Variants in STKLD1 observed in about 807,000 individuals in gnomAD.
STKLD1 encodes serine/threonine kinase like domain containing 1.
A neutral mutation model predicts 80.4 loss-of-function variants in STKLD1; 79 were observed. The ratio of observed to expected loss-of-function variants is 0.98; its 90% CI spans 0.82 to 1.19. The LOEUF is 1.19. Among genes scored for constraint, STKLD1 ranks in the 50% most tolerant of loss-of-function variants. The pLI is 0.00. For synonymous variants in STKLD1, 393 were observed against 357.6 expected (o/e 1.10, Z -1.12); for missense variants, 841 against 856.0 (o/e 0.98, Z 0.22).
rs782337920 is a variant in STKLD1 at position 133,400,511 on chromosome 9, C to T, written c.1180C>T (p.Leu394=). The T allele has an allele frequency of 2.5e-6, 4 of 1,612,770 alleles. No homozygotes were observed. The highest frequency in any genetic ancestry group is 1.6e-4 in the Middle Eastern group (1 of 6,062). ...DVQLCACSLL[L]HLLGQALVHH... ...CCAGCTGTGTGCCTGCTCCCTGCTG[C>T]TGCACCTCCTGGGCCAAGGTGGGTG... The change falls in exon 12 of 18, where the codon CTG becomes TTG. Residue 394 remains leucine, a synonymous_variant. Coordinates refer to ENST00000371957, the MANE Select transcript of STKLD1 (RefSeq NM_153710.5).
Position 133,389,522 on chromosome 9 carries a change from C to G in STKLD1, c.397-4C>G. 3.7e-6 allele frequency: 6 copies of G among 1,613,154 alleles called. No individual in the cohort carries two copies. The South Asian group carries it at 6.6e-5, about 18-fold the overall frequency. On this transcript the variant is annotated splice_polypyrimidine_tract_variant and splice_region_variant and intron_variant, in intron 5 of 17. Transcript: ENST00000371957. This position sits in a 1 kb window ranked among gnomAD's most constrained non-coding sequence, Gnocchi z 6.4. Reference sequence around the variant, plus strand: ...CATCCTGGCACCCCCTACTTCTCCCCCAGTGGATGCAGAATGTGCTGGGCC... The same window carrying G: ...CATCCTGGCACCCCCTACTTCTCCCGCAGTGGATGCAGAATGTGCTGGGCC...
chr9:133,400,684 A>G (rs1838679531), intron 12 of STKLD1, among the ~76,000 whole-genome samples, 155 bp downstream of exon 12: 1 of 152,234 alleles, frequency 6.6e-6, no homozygotes, highest in African/African-American at 2.4e-5. Context: ...CTTCTAGGCC[A>G]AGGTGGATGC....
At chr9:133,395,882 C>T (rs1363453221) in intron 9 of STKLD1, 119 bp downstream of exon 9, 6 of 1,003,930 alleles carry the variant, frequency 6.0e-6, no homozygotes, top group Non-Finnish European at 8.8e-6. Context: ...TCACAGATGC[C>T]CTGATTATCC....
Position 133,376,407 on chromosome 9 carries a change from G to A in STKLD1, c.-67G>A. On this transcript the variant is annotated 5_prime_UTR_variant, in exon 1 of 18. Transcript: ENST00000371957. ...CCGTTCGGGCGGGGAGGATCCCGCG[G>A]GTCCCACTGACCCACGCGGGGTGGG... The A allele has an allele frequency of 4.1e-6, 6 of 1,462,538 alleles. No homozygotes were observed. Among genetic ancestry groups the A allele is most frequent in the Non-Finnish European group, 5.4e-6 (6 of 1,104,096 alleles). The allele number at this position is 1,462,538 out of a possible 1,614,324, so 90.6% of individuals were successfully genotyped here.
Position 133,401,783 on chromosome 9 carries a change from T to C in STKLD1, c.1244T>C (p.Ile415Thr). 6.2e-7 allele frequency: 1 copy of C among 1,613,566 alleles called. No homozygotes were observed. Among genetic ancestry groups the C allele is most frequent in the Non-Finnish European group, 8.5e-7 (1 of 1,179,976 alleles). ...GCCAAGGCTCCCTGCAACCAAGCCA[T>C]CACCTCCACCCTGCTGAGTGCTCTT... ...PEAKAPCNQA[I>T]TSTLLSALQS... is the part of the protein sequence containing the mutation. Residue 415 changes from isoleucine to threonine, a missense_variant, in exon 13 of 18, where the codon ATC (isoleucine) becomes ACC (threonine). Transcript: ENST00000371957.
At chr9:133,388,751 A>AATGCTACC in intron 5 of STKLD1, 1 of 985,358 alleles carries the variant, frequency 1.0e-6, no homozygotes, top group South Asian at 4.7e-5. Context: ...ACCCCAGATG[A>AATGCTACC]ATGCTACCTG....
In STKLD1 at chr9:133,387,467, C is replaced by G; in HGVS notation, c.315C>G (p.Cys105Trp). Residue 105 changes from cysteine (C) to tryptophan (W), a missense_variant, in exon 5 of 18, where the codon TGC becomes TGG. By Grantham distance (215) the Cys-to-Trp change is radical. Coordinates refer to ENST00000371957, the MANE Select transcript of STKLD1 (RefSeq NM_153710.5). ...AGCAGATCTCTTCTCTGTACCTCTGCCTGGTGATGGAGTTCAATGAGCTCA... is the reference window on the plus strand; with the variant it reads ...AGCAGATCTCTTCTCTGTACCTCTGGCTGGTGATGGAGTTCAATGAGCTCA... ...WNGEISSLYL[C>W]LVMEFNELSF... 2 of 1,614,008 alleles carry G rather than the reference C, an allele frequency of 1.2e-6. No individual in the cohort carries two copies. The highest frequency in any genetic ancestry group is 1.7e-6 in the Non-Finnish European group (2 of 1,179,980).
intron 13 of STKLD1, among the ~76,000 whole-genome samples, chr9:133,402,676 T>C (rs1554777875): frequency 6.6e-6 from 1 of 152,200 alleles, no homozygotes; most frequent in African/African-American, 2.4e-5. Context: ...CTATTGGGAC[T>C]GGTGGCCCAC....
intron 1 of STKLD1, among the ~76,000 whole-genome samples, chr9:133,376,835 G>A (rs1254177491): frequency 6.6e-6 from 1 of 152,190 alleles, no homozygotes; most frequent in Admixed American, 6.5e-5. Flanking sequence ...TTCGTGCCTG[G>A]GGTCTGTGCG....
chr9:133,382,677 G>A (rs144583173), intron 2 of STKLD1, among the ~76,000 whole-genome samples: 216 of 150,958 alleles, frequency 1.4e-3, no homozygotes, highest in African/African-American at 5.0e-3. Context: ...TGATAGTAAT[G>A]GTGATGGTGG....
rs1174015066 is a variant in STKLD1, at chr9:133,382,928, AGTG to A, written c.175-918_175-916del. ...TGATGGTGGTGATGATGGGGATAAT[AGTG>A]GTGGTGGTGACAGTGGTGTTGATGG... On this transcript the variant is annotated intron_variant, in intron 2 of 17. Coordinates refer to ENST00000371957, the MANE Select transcript of STKLD1 (RefSeq NM_153710.5). 2.7e-4 allele frequency among the ~76,000 whole-genome samples: 35 copies of A among 128,294 alleles called. No homozygotes were observed. In the East Asian group the frequency reaches 8.3e-3, roughly 31 times the overall value. The allele number at this position is 128,294 out of a possible 152,430, so 84.2% of individuals were successfully genotyped here.
At position 133,385,274 on chromosome 9, in the gene STKLD1, C is replaced by A. The variant is rs1198905912; in HGVS notation, c.220-343C>A. Reference sequence around the variant, plus strand: ...CACCTCCCGGTGTCTGCACCACCTCCTCCAGCCAGCCCTGGCTGTGGCTGA... The same window carrying A: ...CACCTCCCGGTGTCTGCACCACCTCATCCAGCCAGCCCTGGCTGTGGCTGA... On this transcript the variant is annotated intron_variant, in intron 3 of 17. Transcript: ENST00000371957. This position sits in a 1 kb window ranked among gnomAD's most constrained non-coding sequence, Gnocchi z 4.9. Among the ~76,000 whole-genome samples, 1 of 152,210 alleles carries A rather than the reference C, an allele frequency of 6.6e-6. No individual in the cohort carries two copies. The highest frequency in any genetic ancestry group is 6.5e-5 in the Admixed American group (1 of 15,282).
rs1838809129 is a variant in STKLD1 at position 133,404,911 on chromosome 9, G to T, written c.1855G>T (p.Val619Phe). ...EVVENVGMLL[V>F]HLASYEEILP... ...GGTGGAGAACGTGGGCATGCTGCTG[G>T]TCCACCTGGCTTCCTATGGTGAGAA... Residue 619 changes from valine (V) to phenylalanine (F), a missense_variant, in exon 17 of 18, where the codon GTC (valine) becomes TTC (phenylalanine). By Grantham distance (50) the Val-to-Phe change is conservative (BLOSUM62 -1). Coordinates refer to ENST00000371957, the MANE Select transcript of STKLD1 (RefSeq NM_153710.5). The T allele has an allele frequency of 6.2e-7, 1 of 1,613,304 alleles. No homozygotes were observed. The highest frequency in any genetic ancestry group is 2.2e-5 in the East Asian group (1 of 44,838).
Position 133,395,123 on chromosome 9 carries a change from G to A in STKLD1, c.703-477G>A, listed in dbSNP as rs144048320. Among the ~76,000 whole-genome samples the A allele has an allele frequency of 7.2e-5, 11 of 152,296 alleles. No homozygotes were observed. In the East Asian group the frequency reaches 1.9e-3, roughly 27 times the overall value. ...GGTCCCCAGAAAGGACAGACACCTG[G>A]CTGGACCCAGGTTCCCCATGGTCTC... On this transcript the variant is annotated intron_variant, in intron 8 of 17. Coordinates refer to ENST00000371957, the MANE Select transcript of STKLD1 (RefSeq NM_153710.5).
rs1340638600 is a variant in STKLD1, at chr9:133,378,936, CAG to C, written c.88-99_88-98del. ...GGAGCCACTTGCTCTGCCAGCCTGA[CAG>C]GGGAGTTAGCAGGGCCAGAAAAGGA... is the stretch of plus-strand genomic sequence containing the variant. On this transcript the variant is annotated intron_variant, in intron 1 of 17. Transcript: ENST00000371957. The C allele has an allele frequency of 2.7e-5, 28 of 1,025,642 alleles. No homozygotes were observed. In the Admixed American group the frequency reaches 3.2e-4, roughly 12 times the overall value. The allele number at this position is 1,025,642 out of a possible 1,614,324, so 63.5% of individuals were successfully genotyped here.
At position 133,390,911 on chromosome 9, in the gene STKLD1, G is replaced by GT. The variant is rs1838376188; in HGVS notation, c.583+116dup. 1 of 795,864 alleles carries GT rather than the reference G, an allele frequency of 1.3e-6. No individual in the cohort carries two copies. The highest frequency in any genetic ancestry group is 2.2e-6 in the Non-Finnish European group (1 of 461,982). 49.3% of individuals were successfully genotyped at this position (795,864 alleles called of 1,614,324 possible). ...CATCAAACAGCTGTTTGCTCAGAAG[G>GT]TCCCCACAAAGCCCTGGCCTTGTGT... is the stretch of plus-strand genomic sequence containing the variant. On this transcript the variant is annotated intron_variant, in intron 7 of 17. Transcript: ENST00000371957. The surrounding 1 kb of genome is among the most constrained non-coding windows in gnomAD (Gnocchi z 5.1).
intron 7 of STKLD1, chr9:133,393,979 T>C: frequency 3.1e-6 from 1 of 322,240 alleles, no homozygotes; most frequent in Non-Finnish European, 5.7e-6. Flanking sequence ...GGCACGTGCC[T>C]CTTCCAACTC....
chr9:133,395,897 ACAGCTGGGCTTT>A (rs1838549328), intron 9 of STKLD1, 134 bp downstream of exon 9: 1 of 929,206 alleles, frequency 1.1e-6, no homozygotes. Flanking sequence ...TTATCCCTGC[ACAGCTGGGCTTT>A]GCCCAGTTCT....
intron 11 of STKLD1, 103 bp downstream of exon 11, chr9:133,398,158 C>A: frequency 1.9e-6 from 2 of 1,073,938 alleles, no homozygotes; most frequent in Non-Finnish European, 1.4e-6. Context: ...GGGCTCTCCT[C>A]GCCAGTGCTT....
Sources: allele counts gnomAD v4.1 joint callset (sites outside exome capture counted in the v4.1 genomes callset), GRCh38; gene constraint gnomAD v4.1.1; non-coding constraint Gnocchi (gnomAD v3.1); transcripts MANE v1.5; gene names NCBI Gene and HGNC (gene_info 2026-07-23, HGNC 2026-07-21).